Variants in DPP10 observed in about 807,000 individuals in gnomAD.
DPP10 encodes inactive dipeptidyl peptidase 10.
In DPP10, 33 loss-of-function variants were observed where a neutral mutation model predicts 120.9. That is an observed-to-expected ratio of 0.27 (90% CI 0.21 to 0.37). The LOEUF (loss-of-function observed/expected upper bound fraction) is 0.37. DPP10 is among the 10% of genes least tolerant of loss of function. The pLI is 1.00. For missense variants in DPP10, 816 were observed against 942.8 expected, an observed-to-expected ratio of 0.87 and a Z score of 1.76; for synonymous variants, 337 against 326.1, an observed-to-expected ratio of 1.03 and a Z score of -0.36.
At chr2:115,024,590 A>AAATT (rs1171049460) in intron 1 of DPP10, among the ~76,000 whole-genome samples, 1 of 151,316 alleles carries the variant, frequency 6.6e-6, no homozygotes, top group Non-Finnish European at 1.5e-5. Context: ...TATAAAGATC[A>AAATT]AATTAGGGTG....
chr2:114,729,436 G>A (rs1040213948), intron 1 of DPP10, among the ~76,000 whole-genome samples: 2 of 152,208 alleles, frequency 1.3e-5, no homozygotes, highest in Non-Finnish European at 2.9e-5. Context: ...TGTCATGGGT[G>A]GGTTTCACCT....
chr2:114,561,083 T>C (rs1277839866), intron 1 of DPP10, among the ~76,000 whole-genome samples: 1 of 152,172 alleles, frequency 6.6e-6, no homozygotes, highest in Non-Finnish European at 1.5e-5. Context: ...CTCCTGTCCC[T>C]CCACACCAGC....
intron 1 of DPP10, among the ~76,000 whole-genome samples, chr2:114,977,469 A>C (rs2104831273): frequency 6.6e-6 from 1 of 152,298 alleles, no homozygotes; most frequent in East Asian, 1.9e-4. Context: ...GAAGTCATGA[A>C]GACAGCTTTA....
At chr2:114,888,153 A>G (rs1692229704) in intron 1 of DPP10, among the ~76,000 whole-genome samples, 2 of 151,772 alleles carry the variant, frequency 1.3e-5, no homozygotes, top group South Asian at 2.1e-4. Context: ...AAAAAAAAAA[A>G]AAAAAAAGAA....
At chr2:114,446,428 C>G (rs1677949597) in intron 1 of DPP10, among the ~76,000 whole-genome samples, 2 of 152,074 alleles carry the variant, frequency 1.3e-5, no homozygotes, top group Admixed American at 1.3e-4. Context: ...ATTCCTGGAT[C>G]AAGAATTATA....
intron 3 of DPP10, among the ~76,000 whole-genome samples, chr2:115,413,533 G>A (rs2069124232): frequency 6.6e-6 from 1 of 152,060 alleles, no homozygotes; most frequent in Admixed American, 6.6e-5. Context: ...TTAAAAAAAT[G>A]TTACTTTTGT....
chr2:115,010,001 G>A (rs1357368738), intron 1 of DPP10, among the ~76,000 whole-genome samples: 1 of 152,030 alleles, frequency 6.6e-6, no homozygotes, highest in Non-Finnish European at 1.5e-5. Flanking sequence ...TCTTCATTTT[G>A]TTAAAATAAA....
intron 1 of DPP10, among the ~76,000 whole-genome samples, chr2:114,852,567 C>T (rs1689040527): frequency 6.6e-6 from 1 of 151,450 alleles, no homozygotes; most frequent in Non-Finnish European, 1.5e-5. Context: ...AGATTATATG[C>T]AAATACGATA....
At chr2:115,148,572 T>A (rs553314991) in intron 1 of DPP10, among the ~76,000 whole-genome samples, 1 of 152,328 alleles carries the variant, frequency 6.6e-6, no homozygotes, top group Non-Finnish European at 1.5e-5. Flanking sequence ...ATCATCACTT[T>A]AAAAAATAAT....
At chr2:115,772,926 G>A (rs755652976) in intron 13 of DPP10, among the ~76,000 whole-genome samples, 1 of 152,068 alleles carries the variant, frequency 6.6e-6, no homozygotes, top group African/African-American at 2.4e-5. Flanking sequence ...TTATATGTGG[G>A]TGAATCCATT....
At chr2:114,900,854 A>G (rs968309847) in intron 1 of DPP10, among the ~76,000 whole-genome samples, 11 of 152,314 alleles carry the variant, frequency 7.2e-5, no homozygotes, top group Admixed American at 4.6e-4. Context: ...ATTTAGCTGT[A>G]TGAGGTATTT....
intron 2 of DPP10, among the ~76,000 whole-genome samples, chr2:115,333,748 G>A (rs935908872): frequency 1.3e-5 from 2 of 151,938 alleles, no homozygotes; most frequent in Admixed American, 6.6e-5. Flanking sequence ...GTTGAATATT[G>A]GCCCCCACTC....
intron 1 of DPP10, among the ~76,000 whole-genome samples, chr2:115,307,425 A>G (rs2061402423): frequency 1.3e-5 from 2 of 152,132 alleles, no homozygotes; most frequent in South Asian, 4.1e-4. Flanking sequence ...TATAATTGCT[A>G]CATTTCTATT....
At chr2:115,590,835 T>G (rs2082615236) in intron 5 of DPP10, among the ~76,000 whole-genome samples, 1 of 152,190 alleles carries the variant, frequency 6.6e-6, no homozygotes, top group African/African-American at 2.4e-5. Context: ...ACCTGTTGTT[T>G]CCTGACTTTT....
intron 1 of DPP10, among the ~76,000 whole-genome samples, chr2:115,224,046 G>T (rs970836731): frequency 3.9e-5 from 6 of 152,052 alleles, no homozygotes; most frequent in African/African-American, 1.4e-4. Context: ...TGTACTAGAG[G>T]TTCAATGATA....
At chr2:115,505,257 A>C (rs1232907307) in intron 4 of DPP10, among the ~76,000 whole-genome samples, 1 of 151,926 alleles carries the variant, frequency 6.6e-6, no homozygotes, top group African/African-American at 2.4e-5. Flanking sequence ...TATAAAAATA[A>C]TATTAAAAAT....
intron 12 of DPP10, 27 bp from the exon 13 acceptor site, chr2:115,768,270 A>G: frequency 1.9e-6 from 3 of 1,603,970 alleles, no homozygotes; most frequent in Non-Finnish European, 2.6e-6. Context: ...CCTTTCTGAG[A>G]TTGTTCTGTG....
chr2:115,840,425 C>T (rs113322113), intron 24 of DPP10, among the ~76,000 whole-genome samples: 1,946 of 145,646 alleles, frequency 0.013, 45 homozygotes, highest in African/African-American at 0.044. Context: ...CCCGGGTTCA[C>T]GCCATTCTCC....
chr2:115,087,153 T>C (rs892417449), intron 1 of DPP10, among the ~76,000 whole-genome samples: 2 of 152,186 alleles, frequency 1.3e-5, no homozygotes, highest in African/African-American at 2.4e-5. Context: ...TATCTCATCT[T>C]ATGGTAAAGC....
Sources: gnomAD v4.1 joint callset for allele counts (sites outside exome capture counted in the v4.1 genomes callset) on GRCh38, gnomAD v4.1.1 for gene constraint, MANE v1.5 for transcripts, NCBI Gene and HGNC (gene_info 2026-07-23, HGNC 2026-07-21) for gene names.